Variants in EYA1 observed in about 807,000 individuals in gnomAD.
EYA1 encodes EYA transcriptional coactivator and phosphatase 1, also known as protein phosphatase EYA1.
EYA1 carries 16 observed loss-of-function variants against 82.0 expected under a neutral mutation model. The ratio of observed to expected loss-of-function variants is 0.20; its 90% CI spans 0.13 to 0.30. The LOEUF (loss-of-function observed/expected upper bound fraction) is 0.30. Among genes scored for constraint, EYA1 ranks in the 10% least tolerant of loss-of-function variants. EYA1 has a pLI of 1.00. For synonymous variants in EYA1, 261 were observed against 264.4 expected (o/e 0.99, Z 0.12); for missense variants, 633 against 730.7 (o/e 0.87, Z 1.54).
chr8:71,504,510 G>A (rs1348229217), intron 2 of EYA1, among the ~76,000 whole-genome samples: 1 of 152,106 alleles, frequency 6.6e-6, no homozygotes, highest in Non-Finnish European at 1.5e-5. Context: ...AAAATCACCT[G>A]TAAAGTAGAT....
intron 2 of EYA1, among the ~76,000 whole-genome samples, chr8:71,425,691 A>AGTGT (rs533452636): frequency 4.0e-5 from 6 of 151,216 alleles, no homozygotes; most frequent in Non-Finnish European, 7.4e-5. Flanking sequence ...TTGAATCCTT[A>AGTGT]GTGTGTGTGT....
intron 7 of EYA1, among the ~76,000 whole-genome samples, chr8:71,304,954 C>G (rs567516068): frequency 7.0e-6 from 1 of 143,110 alleles, no homozygotes; most frequent in African/African-American, 2.5e-5. Flanking sequence ...GACTCACTTG[C>G]AGGCTTAGCA....
intron 7 of EYA1, among the ~76,000 whole-genome samples, chr8:71,305,689 A>G (rs1485293403): frequency 6.8e-6 from 1 of 146,662 alleles, no homozygotes; most frequent in Non-Finnish European, 1.5e-5. Context: ...GTTAACAATC[A>G]TAGTCATGGT....
chr8:71,226,071 G>T (rs1222149824), intron 12 of EYA1, among the ~76,000 whole-genome samples: 5 of 152,006 alleles, frequency 3.3e-5, no homozygotes, highest in African/African-American at 1.2e-4. Context: ...GGTATGTTAA[G>T]GTAAAAAATA....
intron 7 of EYA1, 58 bp from the exon 8 acceptor site, chr8:71,299,778 A>C: frequency 1.1e-6 from 1 of 903,814 alleles, no homozygotes; most frequent in Middle Eastern, 2.1e-4. Context: ...ATGTGGGTAC[A>C]GGAAAATAGC....
At chr8:71,469,142 G>A (rs180902948) in intron 2 of EYA1, among the ~76,000 whole-genome samples, 72 of 148,640 alleles carry the variant, frequency 4.8e-4, no homozygotes, top group African/African-American at 1.8e-3. Context: ...AGGCACCCTA[G>A]TACATGTTAA....
At chr8:71,475,978 T>A (rs1809631456) in intron 2 of EYA1, among the ~76,000 whole-genome samples, 1 of 152,204 alleles carries the variant, frequency 6.6e-6, no homozygotes, top group Non-Finnish European at 1.5e-5. Flanking sequence ...AATTTAAAGC[T>A]GGAAGAAAGA....
chr8:71,201,260 C>G lies in EYA1; in HGVS notation c.1699-1840G>C, dbSNP rs560108513. Among the ~76,000 whole-genome samples the G allele has an allele frequency of 9.3e-5, 14 of 151,066 alleles. No individual in the cohort carries two copies. The South Asian group carries it at 2.9e-3, about 32-fold the overall frequency. ...AAAGAAAAAAAAAAACAACCTGAGG[C>G]TTAGTGATGAAACACAGAGGTTTAA... is the stretch of plus-strand genomic sequence containing the variant. On this transcript the variant is annotated intron_variant, in intron 17 of 17. Transcript: ENST00000340726.
At chr8:71,330,458 C>T (rs1055003685) in intron 4 of EYA1, among the ~76,000 whole-genome samples, 1 of 152,160 alleles carries the variant, frequency 6.6e-6, no homozygotes, top group Non-Finnish European at 1.5e-5. Flanking sequence ...CCACCCTGAC[C>T]TCCTAAATGC....
intron 2 of EYA1, among the ~76,000 whole-genome samples, chr8:71,475,954 A>C (rs1235891616): frequency 6.6e-6 from 1 of 152,192 alleles, no homozygotes; most frequent in Non-Finnish European, 1.5e-5. Context: ...GAATATTTTG[A>C]AATTGCATTT....
chr8:71,461,432 A>G (rs1215519358), intron 2 of EYA1, among the ~76,000 whole-genome samples: 1 of 152,166 alleles, frequency 6.6e-6, no homozygotes, highest in Non-Finnish European at 1.5e-5. Flanking sequence ...GCACACCACA[A>G]GCAGCTTCCA....
intron 2 of EYA1, among the ~76,000 whole-genome samples, chr8:71,415,893 G>C (rs1210829942): frequency 2.0e-5 from 3 of 152,228 alleles, no homozygotes; most frequent in African/African-American, 7.2e-5. Context: ...TCCCTGTAGA[G>C]AGGAAACTAT....
At chr8:71,335,867 C>G (rs1297924667) in intron 3 of EYA1, among the ~76,000 whole-genome samples, 1 of 152,116 alleles carries the variant, frequency 6.6e-6, no homozygotes, top group Admixed American at 6.6e-5. Flanking sequence ...CTATTTCACT[C>G]TCTGCCAGAC....
At chr8:71,463,664 C>A (rs1270772066) in intron 2 of EYA1, among the ~76,000 whole-genome samples, 3 of 128,716 alleles carry the variant, frequency 2.3e-5, no homozygotes, top group Admixed American at 1.8e-4. Flanking sequence ...CACACACTCA[C>A]AGAGTACACA....
chr8:71,276,612 A>C (rs1817205306), intron 9 of EYA1, among the ~76,000 whole-genome samples: 1 of 152,174 alleles, frequency 6.6e-6, no homozygotes, highest in South Asian at 2.1e-4. Flanking sequence ...TTTTGCTCTA[A>C]GTTGAGGCTC....
At chr8:71,398,667 A>C (rs555872413) in intron 2 of EYA1, among the ~76,000 whole-genome samples, 21 of 152,338 alleles carry the variant, frequency 1.4e-4, no homozygotes, top group Middle Eastern at 3.4e-3. Context: ...GCTTCGTCTC[A>C]GAGGGGCATC....
At chr8:71,306,559 C>T (rs1820762188) in intron 7 of EYA1, among the ~76,000 whole-genome samples, 1 of 152,098 alleles carries the variant, frequency 6.6e-6, no homozygotes, top group Admixed American at 6.6e-5. Flanking sequence ...AATATTATAA[C>T]CAGGCTGTTG....
intron 2 of EYA1, among the ~76,000 whole-genome samples, chr8:71,440,623 A>G (rs74783134): frequency 0.034 from 5,243 of 152,214 alleles, 125 homozygotes; most frequent in Non-Finnish European, 0.054. Context: ...GGGATCTAAA[A>G]TGTGGAATAT....
Position 71,321,889 on chromosome 8 carries a change from A to C in EYA1, c.273-10T>G. ...ATGTGGGTATGGTCTGCTATTTGTCAGAAATGACAGAAAATAGAAAGCCCA... is the reference window on the plus strand; with the variant it reads ...ATGTGGGTATGGTCTGCTATTTGTCCGAAATGACAGAAAATAGAAAGCCCA... On this transcript the variant is annotated splice_polypyrimidine_tract_variant and intron_variant, in intron 5 of 17. Transcript: ENST00000340726. 5.0e-6 allele frequency: 8 copies of C among 1,614,244 alleles called. No individual in the cohort carries two copies. Among genetic ancestry groups the C allele is most frequent in the Non-Finnish European group, 6.8e-6 (8 of 1,180,038 alleles).
Sources: allele counts gnomAD v4.1 joint callset (sites outside exome capture counted in the v4.1 genomes callset), GRCh38; gene constraint gnomAD v4.1.1; transcripts MANE v1.5; gene names NCBI Gene and HGNC (gene_info 2026-07-23, HGNC 2026-07-21).